CRX: variants seen among roughly 807,000 people sequenced by gnomAD.
The protein encoded by CRX is cone-rod homeobox, also known as cone-rod homeobox protein.
Under a neutral mutation model 13.1 loss-of-function variants are expected in CRX, and 5 were observed. That is an observed-to-expected ratio of 0.38 (90% confidence interval 0.20 to 0.80). The LOEUF is 0.80. Ranked by LOEUF, CRX falls within the 30% of genes least tolerant of loss-of-function variation. The probability of loss-of-function intolerance (pLI) is 0.43; values close to 1 mark genes in which losing one functional copy is unlikely to be tolerated. For missense variants in CRX, 351 were observed against 391.8 expected (o/e 0.90, Z 0.88); for synonymous variants, 179 against 171.1 (o/e 1.05, Z -0.36).
rs1968206044 is a variant in CRX at position 47,842,221 on chromosome 19, G to A, written c.*2254G>A. 6.6e-6 allele frequency: 1 copy of A among 152,356 alleles called. No homozygotes were observed. The allele number at this position is 152,356 out of a possible 1,614,324, so 9.4% of individuals were successfully genotyped here. On this transcript the variant is annotated 3_prime_UTR_variant, in exon 4 of 4. Transcript: ENST00000221996. ...CCTGATCTCTAGAGCCCACAAAGAG[G>A]TTTTTATTCAACATAAAACGTGTTC...
intron 1 of CRX, among the ~76,000 whole-genome samples, chr19:47,827,836 TAAAAAAAAAAAAAAAAAAA>T (rs1156465404): frequency 6.7e-4 from 28 of 41,758 alleles, no homozygotes; most frequent in Admixed American, 2.3e-3. Context: ...GCATCTTTAT[TAAAAAAAAAAAAAAAAAAA>T]AAAAAAAAAA....
chr19:47,824,057 C>T (rs1001968774), intron 1 of CRX, among the ~76,000 whole-genome samples: 1 of 152,212 alleles, frequency 6.6e-6, no homozygotes, highest in Non-Finnish European at 1.5e-5. Context: ...CAATGATAAG[C>T]TGTCACCATG....
At chr19:47,838,521 G>T (rs980869741) in intron 3 of CRX, among the ~76,000 whole-genome samples, 1 of 152,082 alleles carries the variant, frequency 6.6e-6, no homozygotes, top group African/African-American at 2.4e-5. Context: ...ATATATGTAT[G>T]ATCAGATGGC....
rs144558386 is a variant in CRX at position 47,824,006 on chromosome 19, G to C, written c.-36+1996G>C. On this transcript the variant is annotated intron_variant, in intron 1 of 3. Coordinates refer to ENST00000221996, the MANE Select transcript of CRX (RefSeq NM_000554.6). ...CTGTGTGGCCTTGGACCCCTCATGT[G>C]GGCTCTCTGGGCCTTGGTTGCCTCC... is the stretch of plus-strand genomic sequence containing the variant. 8.1e-3 allele frequency among the ~76,000 whole-genome samples: 1,237 copies of C among 152,250 alleles called. 17 individuals are homozygous for C. The highest frequency in any genetic ancestry group is 0.028 in the African/African-American group (1,164 of 41,544).
At chr19:47,823,649 G>T (rs1004757514) in intron 1 of CRX, among the ~76,000 whole-genome samples, 17 of 129,556 alleles carry the variant, frequency 1.3e-4, no homozygotes, top group South Asian at 2.5e-4. Flanking sequence ...CATGAGTCTG[G>T]TTTTTTTTTT....
chr19:47,826,608 G>GACAAAA (rs1218558344), intron 1 of CRX, among the ~76,000 whole-genome samples: 1 of 152,090 alleles, frequency 6.6e-6, no homozygotes, highest in Non-Finnish European at 1.5e-5. Context: ...CTGTCCCTAA[G>GACAAAA]ACCAAAACCA....
At chr19:47,835,473 C>T (rs781751512) in intron 2 of CRX, among the ~76,000 whole-genome samples, 2 of 151,918 alleles carry the variant, frequency 1.3e-5, no homozygotes, top group Non-Finnish European at 2.9e-5. Flanking sequence ...CAACTTTTGC[C>T]TCCCAGGTTC....
At position 47,838,755 on chromosome 19, in the gene CRX, G is replaced by C. The variant is rs925695932; in HGVS notation, c.253-565G>C. Among the ~76,000 whole-genome samples the C allele has an allele frequency of 3.3e-5, 5 of 152,090 alleles. No homozygotes were observed. The South Asian group carries it at 1.0e-3, about 32-fold the overall frequency. On this transcript the variant is annotated intron_variant, in intron 3 of 3. Transcript: ENST00000221996. ...ATGGGTGGATGAATATGTGTATGAT[G>C]TATGTATGATCATATAGATGGGTAA... is the stretch of plus-strand genomic sequence containing the variant.
chr19:47,839,360 G>A lies in CRX; in HGVS notation c.293G>A (p.Arg98Gln), dbSNP rs372219374. The change falls in exon 4 of 4, where the codon CGA becomes CAA. Residue 98 changes from arginine (R) to glutamine (Q), a missense_variant. By Grantham distance (43) the Arg-to-Gln change is conservative. This residue lies in a region of CRX where 253 missense variants were observed against 268.3 expected (regional missense o/e 0.94). Coordinates refer to ENST00000221996, the MANE Select transcript of CRX (RefSeq NM_000554.6). The surrounding 1 kb of genome is among the most constrained non-coding windows in gnomAD (Gnocchi z 4.6). ...CGGAGGGCTAAATGCAGGCAGCAGC[G>A]ACAGCAGCAGAAACAGCAGCAGCAG... ...KNRRAKCRQQ[R>Q]QQQKQQQQPP... is the part of the protein sequence containing the mutation. The A allele has an allele frequency of 6.2e-7, 1 of 1,613,590 alleles. No individual in the cohort carries two copies. The highest frequency in any genetic ancestry group is 8.5e-7 in the Non-Finnish European group (1 of 1,179,796).
intron 1 of CRX, among the ~76,000 whole-genome samples, chr19:47,823,281 G>A (rs1967933679): frequency 2.0e-5 from 3 of 152,210 alleles, no homozygotes; most frequent in Admixed American, 6.5e-5. Context: ...GTAGAAGCAG[G>A]TAGACAGACT....
rs533233181 is a variant in CRX at position 47,837,932 on chromosome 19, G to T, written c.253-1388G>T. 2.7e-5 allele frequency among the ~76,000 whole-genome samples: 4 copies of T among 146,008 alleles called. No individual in the cohort carries two copies. The South Asian group carries it at 8.6e-4, about 31-fold the overall frequency. On this transcript the variant is annotated intron_variant, in intron 3 of 3. Coordinates refer to ENST00000221996, the MANE Select transcript of CRX (RefSeq NM_000554.6). ...TGTCTACATAATGTATGTGTGTATGGTGTATGTATGTATAATTGTATGCGT... is the reference window on the plus strand; with the variant it reads ...TGTCTACATAATGTATGTGTGTATGTTGTATGTATGTATAATTGTATGCGT...
intron 1 of CRX, among the ~76,000 whole-genome samples, chr19:47,823,521 G>T (rs1205574240): frequency 6.6e-6 from 1 of 152,128 alleles, no homozygotes; most frequent in Non-Finnish European, 1.5e-5. Context: ...CCAGCTCCTT[G>T]TCCCCGCTGG....
chr19:47,830,562 G>A (rs1177157421), intron 1 of CRX, among the ~76,000 whole-genome samples: 1 of 151,962 alleles, frequency 6.6e-6, no homozygotes, highest in Non-Finnish European at 1.5e-5. Flanking sequence ...TTAGCTGGGC[G>A]TGGTGGCGGG....
rs772630381 is a variant in CRX, at chr19:47,839,649, C to T, written c.582C>T (p.Thr194=). ...TGACCTCCGCCCCCTATGCCATGAC[C>T]TACGCCCCGGCCTCCGCTTTCTGCT... ...PSLTSAPYAM[T]YAPASAFCSS... The change falls in exon 4 of 4, where the codon ACC becomes ACT. Residue 194 remains threonine, a synonymous_variant. Transcript: ENST00000221996. This position sits in a 1 kb window ranked among gnomAD's most constrained non-coding sequence, Gnocchi z 4.6. 4 of 1,613,304 alleles carry T rather than the reference C, an allele frequency of 2.5e-6. No homozygotes were observed. Among genetic ancestry groups the T allele is most frequent in the East Asian group, 2.2e-5 (1 of 44,872 alleles).
At chr19:47,838,816 T>C (rs531579264) in intron 3 of CRX, among the ~76,000 whole-genome samples, 54 of 151,596 alleles carry the variant, frequency 3.6e-4, no homozygotes, top group African/African-American at 1.3e-3. Context: ...GGTGTATGTA[T>C]GTATAATTGT....
Position 47,839,525 on chromosome 19 carries a change from C to T in CRX, c.458C>T (p.Pro153Leu). 1 of 1,613,676 alleles carries T rather than the reference C, an allele frequency of 6.2e-7. No individual in the cohort carries two copies. Among genetic ancestry groups the T allele is most frequent in the Non-Finnish European group, 8.5e-7 (1 of 1,179,796 alleles). Residue 153 changes from proline to leucine, a missense_variant, in exon 4 of 4, where the codon CCA becomes CTA. By Grantham distance (98) the Pro-to-Leu change is moderately conservative (BLOSUM62 -3). Coordinates refer to ENST00000221996, the MANE Select transcript of CRX (RefSeq NM_000554.6). This position sits in a 1 kb window ranked among gnomAD's most constrained non-coding sequence, Gnocchi z 4.6. ...CCTCTGCCCGGCCCCTCAGGCTCCC[C>T]AACCACGGCAGTGGCCACTGTGTCC... is the stretch of plus-strand genomic sequence containing the variant. ...SPPLPGPSGS[P>L]TTAVATVSIW...
rs12982537 is a variant in CRX at position 47,842,073 on chromosome 19, C to T, written c.*2106C>T. 53,526 of 152,120 alleles carry T rather than the reference C, an allele frequency of 0.35. 9,752 individuals carry two copies. Among genetic ancestry groups the T allele is most frequent in the Non-Finnish European group, 0.4 (27,285 of 68,058 alleles). 9.4% of individuals were successfully genotyped at this position (152,120 alleles called of 1,614,324 possible). ...TATATGCTTACGAGTTGGTACACAC[C>T]GTCAGCAGCAGCCAGGGTCAGGAGA... is the stretch of plus-strand genomic sequence containing the variant. On this transcript the variant is annotated 3_prime_UTR_variant, in exon 4 of 4. Coordinates refer to ENST00000221996, the MANE Select transcript of CRX (RefSeq NM_000554.6).
At position 47,839,399 on chromosome 19, in the gene CRX, A is replaced by G. The variant is rs760741667; in HGVS notation, c.332A>G (p.Gln111Arg). The G allele has an allele frequency of 1.7e-5, 28 of 1,613,614 alleles. No homozygotes were observed. The highest frequency in any genetic ancestry group is 4.0e-5 in the African/African-American group (3 of 74,878). ...CAGCAGCAGCAGCCCCCAGGGGGCC[A>G]GGCCAAGGCCCGGCCTGCCAAGAGG... ...QKQQQQPPGGQAKARPAKRKA... is the reference protein window; with the variant it reads ...QKQQQQPPGGRAKARPAKRKA... The change falls in exon 4 of 4, where the codon CAG (glutamine) becomes CGG (arginine). Residue 111 changes from glutamine to arginine, a missense_variant. Physicochemically the swap from Gln to Arg is conservative, Grantham distance 43. Coordinates refer to ENST00000221996, the MANE Select transcript of CRX (RefSeq NM_000554.6). This position sits in a 1 kb window ranked among gnomAD's most constrained non-coding sequence, Gnocchi z 4.6.
Position 47,836,280 on chromosome 19 carries a change from C to T in CRX, c.138C>T (p.Phe46=), listed in dbSNP as rs199607129. 9.9e-6 allele frequency: 16 copies of T among 1,614,098 alleles called. No individual in the cohort carries two copies. In the Admixed American group the frequency reaches 2.3e-4, roughly 24 times the overall value. Reference sequence around the variant, plus strand: ...AGCAGCGGCGGGAGCGCACCACCTTCACCCGGAGCCAACTGGAGGAGCTGG... The same window carrying T: ...AGCAGCGGCGGGAGCGCACCACCTTTACCCGGAGCCAACTGGAGGAGCTGG... ...PRKQRRERTT[F]TRSQLEELEA... The change falls in exon 3 of 4, where the codon TTC becomes TTT. Residue 46 remains phenylalanine, a synonymous_variant. Transcript: ENST00000221996.
Sources: gnomAD v4.1 joint callset for allele counts (sites outside exome capture counted in the v4.1 genomes callset) on GRCh38, gnomAD v4.1.1 for gene constraint, gnomAD v4.1.1 regional missense constraint, Gnocchi (gnomAD v3.1) non-coding constraint, MANE v1.5 for transcripts, NCBI Gene and HGNC (gene_info 2026-07-23, HGNC 2026-07-21) for gene names.